ZNF423: variants seen among roughly 807,000 people sequenced by gnomAD.
ZNF423 encodes Ebf-associated zinc finger protein.
In ZNF423, 12 loss-of-function variants were observed where a neutral mutation model predicts 95.8. The observed-to-expected ratio is 0.13, with a 90% CI of 0.08 to 0.20. ZNF423 has a LOEUF of 0.20. Ranked by LOEUF, ZNF423 falls within the 10% of genes least tolerant of loss-of-function variation. The pLI is 1.00. For missense variants in ZNF423, 1,316 were observed against 1,737.1 expected (o/e 0.76, Z 4.31); for synonymous variants, 749 against 711.9 (o/e 1.05, Z -0.83).
intron 5 of ZNF423, among the ~76,000 whole-genome samples, chr16:49,561,240 G>C (rs1355628233): frequency 6.6e-6 from 1 of 152,178 alleles, no homozygotes; most frequent in Non-Finnish European, 1.5e-5. Flanking sequence ...CACAGTGGGA[G>C]TATTTACACC....
At chr16:49,791,789 G>A (rs1666625982) in intron 1 of ZNF423, among the ~76,000 whole-genome samples, 1 of 152,084 alleles carries the variant, frequency 6.6e-6, no homozygotes, top group African/African-American at 2.4e-5. Context: ...ATCACTTGAG[G>A]TCAGGAGTTC....
chr16:49,595,145 TG>T (rs1352387479), intron 5 of ZNF423, among the ~76,000 whole-genome samples: 2 of 151,408 alleles, frequency 1.3e-5, no homozygotes, highest in Non-Finnish European at 2.9e-5. Flanking sequence ...GAGGTGGGGG[TG>T]GGGGGGTCTC....
chr16:49,690,027 C>T (rs2031719373), intron 3 of ZNF423, among the ~76,000 whole-genome samples: 1 of 152,210 alleles, frequency 6.6e-6, no homozygotes, highest in Non-Finnish European at 1.5e-5. Context: ...CCACACCCTA[C>T]TCCACCTCCC....
At chr16:49,694,070 C>T (rs12447501) in intron 3 of ZNF423, among the ~76,000 whole-genome samples, 39,702 of 152,168 alleles carry the variant, frequency 0.26, 5,422 homozygotes, top group South Asian at 0.46. Context: ...TGCAACATTC[C>T]TCCTCAGTCT....
chr16:49,675,976 G>A (rs2031030309), intron 3 of ZNF423, among the ~76,000 whole-genome samples: 2 of 152,164 alleles, frequency 1.3e-5, no homozygotes, highest in African/African-American at 4.8e-5. Flanking sequence ...ACATATGCAT[G>A]GACACACTCA....
chr16:49,646,270 G>GACT (rs1973165410), intron 3 of ZNF423, among the ~76,000 whole-genome samples: 2 of 152,222 alleles, frequency 1.3e-5, no homozygotes, highest in Non-Finnish European at 2.9e-5. Context: ...AGCCTAAGCA[G>GACT]GTGGCTTTCC....
chr16:49,497,574 G>A (rs952320421), intron 7 of ZNF423, among the ~76,000 whole-genome samples: 4 of 152,084 alleles, frequency 2.6e-5, no homozygotes, highest in Admixed American at 6.6e-5. Flanking sequence ...AGAGCCACCC[G>A]GCCTGCACAT....
At chr16:49,744,707 G>A (rs1407523039) in intron 2 of ZNF423, among the ~76,000 whole-genome samples, 2 of 152,168 alleles carry the variant, frequency 1.3e-5, no homozygotes, top group African/African-American at 4.8e-5. Flanking sequence ...ATTAGCCACA[G>A]GCCAAAGGTC....
chr16:49,666,294 C>T (rs2151920371), intron 3 of ZNF423, among the ~76,000 whole-genome samples: 1 of 152,302 alleles, frequency 6.6e-6, no homozygotes, highest in Non-Finnish European at 1.5e-5. Context: ...GGGCCCTGCT[C>T]CCAATCCTCA....
chr16:49,834,657 C>A (rs2035097507), intron 1 of ZNF423, among the ~76,000 whole-genome samples: 1 of 152,300 alleles, frequency 6.6e-6, no homozygotes, highest in East Asian at 1.9e-4. Flanking sequence ...GGGGCCCGGG[C>A]AGGGGCAGCT....
chr16:49,613,904 A>C (rs1971798838), intron 5 of ZNF423, among the ~76,000 whole-genome samples: 1 of 152,024 alleles, frequency 6.6e-6, no homozygotes, highest in Non-Finnish European at 1.5e-5. Context: ...AAAAAATAGG[A>C]GAAAATCTTT....
chr16:49,856,211 C>A (rs1281434658), upstream of ZNF423: 1 of 139,458 alleles, frequency 7.2e-6, no homozygotes, highest in African/African-American at 2.7e-5. Context: ...TTCCCTCCCC[C>A]ACCCTACCGC....
At chr16:49,739,027 A>G (rs1390856418) in intron 2 of ZNF423, among the ~76,000 whole-genome samples, 1 of 151,962 alleles carries the variant, frequency 6.6e-6, no homozygotes, top group Non-Finnish European at 1.5e-5. Context: ...TGTTCCAGGG[A>G]CTGTCGGGGA....
intron 2 of ZNF423, among the ~76,000 whole-genome samples, chr16:49,753,987 C>A (rs539000273): frequency 6.6e-6 from 1 of 150,440 alleles, no homozygotes; most frequent in South Asian, 2.1e-4. Context: ...GCTGAGATTG[C>A]GCCACTACAC....
intron 1 of ZNF423, among the ~76,000 whole-genome samples, chr16:49,810,207 A>T (rs2034730083): frequency 6.7e-6 from 1 of 150,024 alleles, no homozygotes; most frequent in African/African-American, 2.5e-5. Flanking sequence ...AGACTCACAG[A>T]CTCCTCACCC....
At chr16:49,591,012 C>G (rs1380454294) in intron 5 of ZNF423, among the ~76,000 whole-genome samples, 1 of 152,204 alleles carries the variant, frequency 6.6e-6, no homozygotes, top group African/African-American at 2.4e-5. Context: ...CAAGCAGCCA[C>G]TAAAAATGAT....
At chr16:49,519,938 C>T (rs1337799117) in intron 7 of ZNF423, among the ~76,000 whole-genome samples, 1 of 152,188 alleles carries the variant, frequency 6.6e-6, no homozygotes, top group Non-Finnish European at 1.5e-5. Context: ...TCACGGCTCT[C>T]TTCCACACAA....
Position 49,503,580 on chromosome 16 carries a change from G to A in ZNF423, c.3850-12276C>T, listed in dbSNP as rs79614515. ...TTCTCCACATCGGAGCCATCCTCCT[G>A]GAGCAGGCTTCCTGTCCGCTGACCA... is the stretch of plus-strand genomic sequence containing the variant. On this transcript the variant is annotated intron_variant, in intron 7 of 7. Coordinates refer to ENST00000563137, the MANE Select transcript of ZNF423 (RefSeq NM_001379286.1). 6.9e-3 allele frequency among the ~76,000 whole-genome samples: 1,058 copies of A among 152,232 alleles called. 65 individuals are homozygous for A. The South Asian group carries it at 0.12, about 17-fold the overall frequency.
chr16:49,708,250 G>A (rs115913719), intron 3 of ZNF423: 1,795 of 152,220 alleles, frequency 0.012, 33 homozygotes, highest in African/African-American at 0.041. Flanking sequence ...CTGGATCGGC[G>A]GAGCTGCTGA....
Sources: gnomAD v4.1 joint callset for allele counts (sites outside exome capture counted in the v4.1 genomes callset) on GRCh38, gnomAD v4.1.1 for gene constraint, MANE v1.5 for transcripts, NCBI Gene and HGNC (gene_info 2026-07-23, HGNC 2026-07-21) for gene names.